The following TNIK variants were observed in gnomAD, a reference collection of about 807,000 sequenced individuals.
TNIK encodes the protein TRAF2 and NCK-interacting protein kinase.
In TNIK, 49 loss-of-function variants were observed where a neutral mutation model predicts 191.3. That is an observed-to-expected ratio of 0.26 (90% CI 0.20 to 0.32). The LOEUF is 0.32. Among genes scored for constraint, TNIK ranks in the 10% least tolerant of loss-of-function variants. The pLI is 1.00. For missense variants in TNIK, 1,155 were observed against 1,702.3 expected (o/e 0.68, Z 5.66); for synonymous variants, 594 against 600.9 (o/e 0.99, Z 0.17).
At chr3:171,163,188 G>A (rs1400821040) in intron 10 of TNIK, among the ~76,000 whole-genome samples, 1 of 152,202 alleles carries the variant, frequency 6.6e-6, no homozygotes, top group Non-Finnish European at 1.5e-5. Context: ...TGGCAGGGAT[G>A]AAATGGCTCA....
intron 1 of TNIK, among the ~76,000 whole-genome samples, chr3:171,406,355 G>C (rs974868716): frequency 2.6e-5 from 4 of 152,170 alleles, no homozygotes; most frequent in African/African-American, 9.7e-5. Context: ...GAATTGAGAA[G>C]AACCCAGAGC....
chr3:171,077,252 A>C (rs1025547875), intron 28 of TNIK, among the ~76,000 whole-genome samples: 7 of 151,804 alleles, frequency 4.6e-5, no homozygotes, highest in Admixed American at 3.9e-4. Context: ...GCCAGGACTT[A>C]TTTCTTTCTA....
chr3:171,245,600 G>A (rs2109058190), intron 2 of TNIK, among the ~76,000 whole-genome samples: 1 of 150,912 alleles, frequency 6.6e-6, no homozygotes, highest in South Asian at 2.1e-4. Flanking sequence ...CAAGATTTTG[G>A]TATAATCAAG....
At chr3:171,459,028 G>C (rs1729092778) in intron 1 of TNIK, among the ~76,000 whole-genome samples, 1 of 152,064 alleles carries the variant, frequency 6.6e-6, no homozygotes, top group Admixed American at 6.6e-5. Context: ...GTGGGGAAGC[G>C]TCGAAGCAGC....
intron 12 of TNIK, among the ~76,000 whole-genome samples, chr3:171,151,476 T>C (rs73882620): frequency 0.022 from 3,289 of 152,330 alleles, 128 homozygotes; most frequent in African/African-American, 0.075. Flanking sequence ...ACAACTCATA[T>C]TTATTGAGGG....
At chr3:171,408,223 G>A (rs1721955744) in intron 1 of TNIK, among the ~76,000 whole-genome samples, 1 of 152,068 alleles carries the variant, frequency 6.6e-6, no homozygotes, top group Non-Finnish European at 1.5e-5. Flanking sequence ...AAGAAAAAAA[G>A]TCCACATAGA....
At chr3:171,149,962 A>C (rs1732210853) in intron 12 of TNIK, among the ~76,000 whole-genome samples, 1 of 152,078 alleles carries the variant, frequency 6.6e-6, no homozygotes, top group South Asian at 2.1e-4. Context: ...ATGTGTTAAC[A>C]CTCCAGGCTC....
Position 171,101,544 on chromosome 3 carries a change from G to C in TNIK, c.2496C>G (p.Ser832=). Residue 832 remains serine (S), a synonymous_variant, in exon 22 of 33, where the codon TCC becomes TCG. Coordinates refer to ENST00000436636, the MANE Select transcript of TNIK (RefSeq NM_015028.4). ...PMKKVTDYSS[S]SEESESSEEE... is the part of the protein sequence containing the mutation. ...CCTCGCTACTTTCTGACTCCTCACT[G>C]GAGGAGGAGTAATCAGTCACCTTCT... The C allele has an allele frequency of 6.2e-7, 1 of 1,613,428 alleles. No homozygotes were observed. The highest frequency in any genetic ancestry group is 2.2e-5 in the East Asian group (1 of 44,874).
intron 2 of TNIK, among the ~76,000 whole-genome samples, chr3:171,363,123 G>A (rs1577639734): frequency 6.6e-6 from 1 of 152,200 alleles, no homozygotes; most frequent in Non-Finnish European, 1.5e-5. Context: ...CTGCTGCTTT[G>A]TAGTTGGATG....
intron 12 of TNIK, among the ~76,000 whole-genome samples, chr3:171,153,946 C>T (rs559457155): frequency 1.3e-5 from 2 of 152,176 alleles, no homozygotes; most frequent in East Asian, 3.9e-4. Flanking sequence ...CTGTTTCCCT[C>T]ACAGATCTAA....
Position 171,128,840 on chromosome 3 carries a change from A to T in TNIK, c.1647T>A (p.Pro549=). The T allele has an allele frequency of 1.9e-6, 3 of 1,557,874 alleles. No homozygotes were observed. Among genetic ancestry groups the T allele is most frequent in the Non-Finnish European group, 2.6e-6 (3 of 1,150,586 alleles). Residue 549 remains proline (P), a synonymous_variant, in exon 16 of 33, where the codon CCT becomes CCA. Coordinates refer to ENST00000436636, the MANE Select transcript of TNIK (RefSeq NM_015028.4). ...TGTTGGCAACCTTGTGAGGCATGGC[A>T]GGGGAACTTTGCCGGTTGAGCCTTG... The part of the protein sequence containing the change: ...ERSRLNRQSS[P]AMPHKVANRI...
chr3:171,283,401 T>C (rs986121404), intron 2 of TNIK, among the ~76,000 whole-genome samples: 1 of 152,204 alleles, frequency 6.6e-6, no homozygotes, highest in Middle Eastern at 3.4e-3. Flanking sequence ...AAGCCAATAG[T>C]ATAACTAAAG....
chr3:171,307,414 G>A (rs909021011), intron 2 of TNIK, among the ~76,000 whole-genome samples: 2 of 152,138 alleles, frequency 1.3e-5, no homozygotes, highest in Admixed American at 1.3e-4. Flanking sequence ...ACTCTAAGGG[G>A]TCAAGAAGTT....
At chr3:171,118,159 G>A (rs1301176547) in intron 18 of TNIK, among the ~76,000 whole-genome samples, 1 of 151,792 alleles carries the variant, frequency 6.6e-6, no homozygotes, top group Non-Finnish European at 1.5e-5. Flanking sequence ...CAGACAGAGA[G>A]ACAAATCATG....
intron 1 of TNIK, among the ~76,000 whole-genome samples, chr3:171,415,879 G>A (rs972298025): frequency 1.4e-5 from 2 of 146,534 alleles, no homozygotes; most frequent in Non-Finnish European, 3.0e-5. Flanking sequence ...TACTCGGGAA[G>A]CTGAGGCAGG....
intron 1 of TNIK, among the ~76,000 whole-genome samples, chr3:171,433,608 G>A (rs758421534): frequency 2.0e-4 from 31 of 151,824 alleles, no homozygotes; most frequent in Non-Finnish European, 3.7e-4. Flanking sequence ...GCACATACAC[G>A]TGTGCAACAA....
intron 1 of TNIK, among the ~76,000 whole-genome samples, chr3:171,418,509 C>T (rs1318052080): frequency 6.6e-6 from 1 of 152,020 alleles, no homozygotes; most frequent in Admixed American, 6.6e-5. Flanking sequence ...ATTATTTGGT[C>T]ATTAAAAGGA....
intron 2 of TNIK, among the ~76,000 whole-genome samples, chr3:171,361,422 G>A (rs112087652): frequency 0.024 from 3,632 of 152,216 alleles, 151 homozygotes; most frequent in African/African-American, 0.082. Context: ...AGGCACCCAC[G>A]AAGGTCTTCC....
intron 22 of TNIK, among the ~76,000 whole-genome samples, chr3:171,094,760 C>G (rs552759715): frequency 5.0e-4 from 76 of 152,314 alleles, no homozygotes; most frequent in Middle Eastern, 3.4e-3. Flanking sequence ...GCTCTTATCA[C>G]CTATGTCTTG....
Sources: gnomAD v4.1 joint callset for allele counts (sites outside exome capture counted in the v4.1 genomes callset) on GRCh38, gnomAD v4.1.1 for gene constraint, MANE v1.5 for transcripts, NCBI Gene and HGNC (gene_info 2026-07-23, HGNC 2026-07-21) for gene names.